Variants in ATP11A observed in about 807,000 individuals in gnomAD.
ATP11A encodes the protein ATPase phospholipid transporting 11A.
In ATP11A, 81 loss-of-function variants were observed where a neutral mutation model predicts 154.4. That is an observed-to-expected ratio of 0.52 (90% confidence interval 0.44 to 0.63). The LOEUF (loss-of-function observed/expected upper bound fraction) is 0.63. Among genes scored for constraint, ATP11A ranks in the 30% least tolerant of loss-of-function variants. The pLI is 0.00. For missense variants in ATP11A, 1,316 were observed against 1,474.3 expected (o/e 0.89, Z 1.76); for synonymous variants, 623 against 585.9 (o/e 1.06, Z -0.91).
intron 17 of ATP11A, among the ~76,000 whole-genome samples, chr13:112,843,488 A>G (rs971415173): frequency 2.6e-5 from 4 of 152,190 alleles, no homozygotes; most frequent in African/African-American, 4.8e-5. Context: ...CATGAAAAAG[A>G]AACAGTAACT....
At chr13:112,805,891 A>G (rs1181936258) in intron 3 of ATP11A, among the ~76,000 whole-genome samples, 1 of 152,068 alleles carries the variant, frequency 6.6e-6, no homozygotes, top group Non-Finnish European at 1.5e-5. Context: ...CCAACATTAA[A>G]TTATTCAAAT....
At position 112,804,764 on chromosome 13, in the gene ATP11A, G is replaced by A. The variant is rs114996956; in HGVS notation, c.163-193G>A. 7.3e-3 allele frequency among the ~76,000 whole-genome samples: 1,108 copies of A among 152,100 alleles called. 18 individuals carry two copies. Among genetic ancestry groups the A allele is most frequent in the African/African-American group, 0.024 (1,010 of 41,482 alleles). ...CTCTGGAGTTAGGTAATTTACATAC[G>A]TGTTTCAGAGTACACACTTTGTTTA... On this transcript the variant is annotated intron_variant, in intron 2 of 29. Transcript: ENST00000375645.
At chr13:112,761,488 G>T (rs1328854463) in intron 1 of ATP11A, among the ~76,000 whole-genome samples, 2 of 152,134 alleles carry the variant, frequency 1.3e-5, no homozygotes, top group Non-Finnish European at 2.9e-5. Flanking sequence ...ACTTTATCAG[G>T]GGTGTGTGTT....
intron 1 of ATP11A, among the ~76,000 whole-genome samples, chr13:112,724,998 C>T (rs987967772): frequency 6.6e-6 from 1 of 152,196 alleles, no homozygotes; most frequent in African/African-American, 2.4e-5. Flanking sequence ...CTGGTCCCCA[C>T]GTCATTTTCT....
intron 1 of ATP11A, among the ~76,000 whole-genome samples, chr13:112,722,254 AG>A (rs1889285467): frequency 9.1e-6 from 1 of 110,228 alleles, no homozygotes; most frequent in Non-Finnish European, 1.7e-5. Flanking sequence ...AATGCAGGAC[AG>A]CTGTAAGTGG....
rs1380720701 is a variant in ATP11A, at chr13:112,883,073, G to A, written c.*1207G>A. 3.7e-5 allele frequency: 13 copies of A among 354,422 alleles called. No homozygotes were observed. The highest frequency in any genetic ancestry group is 5.8e-5 in the Non-Finnish European group (12 of 206,172). The allele number at this position is 354,422 out of a possible 1,614,324, so 22.0% of individuals were successfully genotyped here. On this transcript the variant is annotated 3_prime_UTR_variant, in exon 30 of 30. Coordinates refer to ENST00000375645, the MANE Select transcript of ATP11A (RefSeq NM_015205.3). Reference sequence around the variant, plus strand: ...CCACATCCCCTTGCCCCGTCACCTCGTCCTCATGTCCCCTTGTCCTGTCAC... The same window carrying A: ...CCACATCCCCTTGCCCCGTCACCTCATCCTCATGTCCCCTTGTCCTGTCAC...
intron 29 of ATP11A, chr13:112,880,520 G>T (rs1207715717): frequency 2.3e-6 from 3 of 1,291,876 alleles, no homozygotes; most frequent in South Asian, 2.5e-5. Context: ...GGCCCACGTC[G>T]CTCAGTATCT....
chr13:112,716,869 T>C (rs1888521867), intron 1 of ATP11A, among the ~76,000 whole-genome samples: 1 of 152,016 alleles, frequency 6.6e-6, no homozygotes, highest in South Asian at 2.1e-4. Context: ...AAGATGGCTA[T>C]GTGCAAAATA....
intron 5 of ATP11A, 52 bp from the exon 6 acceptor site, chr13:112,816,031 A>G (rs1434649397): frequency 1.9e-5 from 30 of 1,610,426 alleles, no homozygotes; most frequent in Middle Eastern, 1.8e-4. Context: ...AGGACGGGCA[A>G]GCTTTCACGG....
intron 2 of ATP11A, among the ~76,000 whole-genome samples, chr13:112,790,920 T>C (rs1474170454): frequency 6.6e-6 from 1 of 152,240 alleles, no homozygotes; most frequent in East Asian, 1.9e-4. Context: ...AAACAGGATA[T>C]GTAAATGCTG....
chr13:112,867,137 T>A (rs1347016922), intron 25 of ATP11A, among the ~76,000 whole-genome samples: 1 of 152,150 alleles, frequency 6.6e-6, no homozygotes, highest in African/African-American at 2.4e-5. Flanking sequence ...CAATAGCAAG[T>A]CCCCTTTTTC....
At chr13:112,758,450 G>GTC (rs1233484534) in intron 1 of ATP11A, among the ~76,000 whole-genome samples, 2 of 146,940 alleles carry the variant, frequency 1.4e-5, no homozygotes, top group East Asian at 4.1e-4. Flanking sequence ...TTGAGACAGA[G>GTC]TCTCTCTCTG....
In ATP11A at chr13:112,690,398, G is replaced by C; in HGVS notation, c.-19G>C. 1 of 1,293,124 alleles carries C rather than the reference G, an allele frequency of 7.7e-7. No individual in the cohort carries two copies. Among genetic ancestry groups the C allele is most frequent in the Non-Finnish European group, 9.8e-7 (1 of 1,020,438 alleles). 80.1% of individuals were successfully genotyped at this position (1,293,124 alleles called of 1,614,324 possible). Reference sequence around the variant, plus strand: ...GCGCGGGGGCGCTGAACGGCGGAGCGGGAGCGGCCGGAGGAGCCATGGACT... The same window carrying C: ...GCGCGGGGGCGCTGAACGGCGGAGCCGGAGCGGCCGGAGGAGCCATGGACT... On this transcript the variant is annotated 5_prime_UTR_variant, in exon 1 of 30. Coordinates refer to ENST00000375645, the MANE Select transcript of ATP11A (RefSeq NM_015205.3). The surrounding 1 kb of genome is among the most constrained non-coding windows in gnomAD (Gnocchi z 5.6).
intron 1 of ATP11A, among the ~76,000 whole-genome samples, chr13:112,778,133 A>G (rs968699840): frequency 1.3e-5 from 2 of 152,160 alleles, no homozygotes; most frequent in Non-Finnish European, 2.9e-5. Flanking sequence ...TACCACACAT[A>G]CCTTTTGCAA....
chr13:112,742,802 A>G (rs1488414579), intron 1 of ATP11A, among the ~76,000 whole-genome samples: 1 of 152,168 alleles, frequency 6.6e-6, no homozygotes, highest in Non-Finnish European at 1.5e-5. Context: ...AGCATTTTCC[A>G]TTCTGACCCC....
At chr13:112,756,930 A>G (rs903999350) in intron 1 of ATP11A, among the ~76,000 whole-genome samples, 1 of 149,696 alleles carries the variant, frequency 6.7e-6, no homozygotes, top group African/African-American at 2.5e-5. Context: ...CGCATCCACT[A>G]CATCTAGTAA....
At chr13:112,808,159 A>G (rs1159690882) in intron 4 of ATP11A, among the ~76,000 whole-genome samples, 1 of 151,976 alleles carries the variant, frequency 6.6e-6, no homozygotes, top group East Asian at 1.9e-4. Context: ...ACGGCCCCAG[A>G]CAACATGTGG....
chr13:112,802,419 G>C lies in ATP11A; in HGVS notation c.163-2538G>C, dbSNP rs566334204. Among the ~76,000 whole-genome samples, 66 of 148,358 alleles carry C rather than the reference G, an allele frequency of 4.4e-4. 1 individual carries two copies. The highest frequency in any genetic ancestry group is 3.6e-3 in the Admixed American group (55 of 15,200). On this transcript the variant is annotated intron_variant, in intron 2 of 29. Transcript: ENST00000375645. Reference sequence around the variant, plus strand: ...GAGAGCCTGGGAGTAGATCCACCCAGTAAATCCACCCAGATAGTCAACCCA... The same window carrying C: ...GAGAGCCTGGGAGTAGATCCACCCACTAAATCCACCCAGATAGTCAACCCA...
At chr13:112,714,744 C>T (rs1380724592) in intron 1 of ATP11A, among the ~76,000 whole-genome samples, 1 of 152,210 alleles carries the variant, frequency 6.6e-6, no homozygotes, top group Non-Finnish European at 1.5e-5. Flanking sequence ...TCTGGCAGGT[C>T]AGTGAGGCCA....
Sources: allele counts gnomAD v4.1 joint callset (sites outside exome capture counted in the v4.1 genomes callset), GRCh38; gene constraint gnomAD v4.1.1; non-coding constraint Gnocchi (gnomAD v3.1); transcripts MANE v1.5; gene names NCBI Gene and HGNC (gene_info 2026-07-23, HGNC 2026-07-21).